The following AOAH variants were observed in gnomAD, a reference collection of about 807,000 sequenced individuals.
AOAH encodes acyloxyacyl hydrolase (neutrophil).
A neutral mutation model predicts 92.2 loss-of-function variants in AOAH; 64 were observed. The observed-to-expected ratio is 0.69, with a 90% CI of 0.57 to 0.86. AOAH has a LOEUF of 0.86. Ranked by LOEUF, AOAH falls within the 40% of genes least tolerant of loss-of-function variation. The pLI, the probability that AOAH is intolerant of heterozygous loss-of-function variation, is 0.00. For missense variants in AOAH, 656 were observed against 694.6 expected, an observed-to-expected ratio of 0.94 and a Z score of 0.62; for synonymous variants, 263 against 254.5, an observed-to-expected ratio of 1.03 and a Z score of -0.32.
At chr7:36,658,177 G>A (rs979597204) in intron 4 of AOAH, among the ~76,000 whole-genome samples, 5 of 152,140 alleles carry the variant, frequency 3.3e-5, no homozygotes, top group East Asian at 1.9e-4. Flanking sequence ...AAATATACAC[G>A]TTCCTCAGGT....
chr7:36,675,255 T>C (rs1796178469), intron 2 of AOAH, among the ~76,000 whole-genome samples: 1 of 152,204 alleles, frequency 6.6e-6, no homozygotes, highest in Non-Finnish European at 1.5e-5. Context: ...AAACTCCGTC[T>C]CAAATAAATA....
chr7:36,596,582 G>A (rs1462079126), intron 11 of AOAH, among the ~76,000 whole-genome samples: 2 of 152,158 alleles, frequency 1.3e-5, no homozygotes, highest in African/African-American at 4.8e-5. Flanking sequence ...GGGGAAGGCC[G>A]TGCAATGGTG....
In AOAH at chr7:36,712,395, T is replaced by C. The variant is rs759538578; in HGVS notation, c.127+11627A>G. On this transcript the variant is annotated intron_variant, in intron 1 of 20. Transcript: ENST00000617537. The stretch of plus-strand genomic sequence containing the variant: ...TTTAAAAAGCTTCCTGAGTACCAAA[T>C]AGTGCTTTTAAAAAAACGAACATTC... Among the ~76,000 whole-genome samples the C allele has an allele frequency of 2.4e-4, 37 of 152,278 alleles. 1 individual carries two copies. The Middle Eastern group carries it at 0.01, about 42-fold the overall frequency.
chr7:36,704,092 C>T (rs1006896979), intron 1 of AOAH, among the ~76,000 whole-genome samples: 2 of 151,484 alleles, frequency 1.3e-5, no homozygotes, highest in Admixed American at 1.3e-4. Flanking sequence ...TTGCATTTCT[C>T]TAATGACCAG....
intron 12 of AOAH, among the ~76,000 whole-genome samples, chr7:36,585,145 G>A (rs1789225425): frequency 6.6e-6 from 1 of 151,802 alleles, no homozygotes; most frequent in Non-Finnish European, 1.5e-5. Flanking sequence ...TGTCTGGAGG[G>A]GTATAAAAAA....
At chr7:36,591,698 G>A (rs759520121) in intron 12 of AOAH, among the ~76,000 whole-genome samples, 3 of 152,158 alleles carry the variant, frequency 2.0e-5, no homozygotes, top group Non-Finnish European at 4.4e-5. Context: ...CCTGGTGGGA[G>A]GACAGAACAG....
chr7:36,613,345 C>T (rs1791612864), intron 11 of AOAH, among the ~76,000 whole-genome samples: 1 of 152,106 alleles, frequency 6.6e-6, no homozygotes, highest in South Asian at 2.1e-4. Flanking sequence ...CAGGATGATT[C>T]CAAGATTTTT....
intron 13 of AOAH, among the ~76,000 whole-genome samples, chr7:36,575,799 C>A (rs1419156890): frequency 6.6e-6 from 1 of 152,214 alleles, no homozygotes; most frequent in Admixed American, 6.5e-5. Flanking sequence ...AATTCCTCAA[C>A]ATCTTTTGTT....
At chr7:36,709,493 T>C (rs1365866259) in intron 1 of AOAH, among the ~76,000 whole-genome samples, 1 of 152,180 alleles carries the variant, frequency 6.6e-6, no homozygotes, top group Non-Finnish European at 1.5e-5. Context: ...GAAATGCTTG[T>C]GATAATTTTT....
chr7:36,611,409 C>T (rs917354896), intron 11 of AOAH, among the ~76,000 whole-genome samples: 1 of 152,142 alleles, frequency 6.6e-6, no homozygotes, highest in Non-Finnish European at 1.5e-5. Context: ...GGGGAGTAAC[C>T]CAAACCAATA....
intron 4 of AOAH, among the ~76,000 whole-genome samples, chr7:36,639,017 G>A (rs1793715297): frequency 6.6e-6 from 1 of 152,154 alleles, no homozygotes; most frequent in African/African-American, 2.4e-5. Flanking sequence ...CCCACCCAGT[G>A]GGCATCTGCA....
At position 36,624,283 on chromosome 7, in the gene AOAH, C is replaced by T. The variant is rs542957510; in HGVS notation, c.522-1033G>A. Among the ~76,000 whole-genome samples the T allele has an allele frequency of 1.3e-4, 20 of 152,268 alleles. No homozygotes were observed. In the South Asian group the frequency reaches 1.5e-3, roughly 11 times the overall value. On this transcript the variant is annotated intron_variant, in intron 6 of 20. Coordinates refer to ENST00000617537, the MANE Select transcript of AOAH (RefSeq NM_001637.4). The stretch of plus-strand genomic sequence containing the variant: ...GGCAAGATGAGGCTTTCTTTGGAGC[C>T]GAGAATTTACAGTGAGTAACACAAC...
chr7:36,535,655 G>A (rs1464642219), intron 16 of AOAH, among the ~76,000 whole-genome samples: 1 of 152,166 alleles, frequency 6.6e-6, no homozygotes, highest in Non-Finnish European at 1.5e-5. Context: ...GCCCCTGAAT[G>A]CCTGTGACTT....
intron 4 of AOAH, among the ~76,000 whole-genome samples, chr7:36,647,318 A>G (rs1794286001): frequency 6.6e-6 from 1 of 152,338 alleles, no homozygotes; most frequent in Middle Eastern, 3.4e-3. Flanking sequence ...GGGGGTGATT[A>G]ATTAAGTGAA....
At chr7:36,716,216 G>C (rs1799159891) in intron 1 of AOAH, among the ~76,000 whole-genome samples, 1 of 152,022 alleles carries the variant, frequency 6.6e-6, no homozygotes, top group Non-Finnish European at 1.5e-5. Context: ...CCAAAAGACA[G>C]ATGAAAAAAT....
At chr7:36,543,130 C>CT (rs1010991255) in intron 15 of AOAH, among the ~76,000 whole-genome samples, 1 of 152,108 alleles carries the variant, frequency 6.6e-6, no homozygotes, top group African/African-American at 2.4e-5. Flanking sequence ...GAACTGCATG[C>CT]TAATTTCATG....
rs148867554 is a variant in AOAH at position 36,620,572 on chromosome 7, G to T, written c.702+209C>A. 2.0e-5 allele frequency among the ~76,000 whole-genome samples: 3 copies of T among 152,304 alleles called. No individual in the cohort carries two copies. In the East Asian group the frequency reaches 5.8e-4, roughly 29 times the overall value. On this transcript the variant is annotated intron_variant, in intron 9 of 20. Transcript: ENST00000617537. ...GTGACCTTAAGCAAGGCTTAAAGGGGCCATGACTGAGAAAGCCTCAACTCT... is the reference window on the plus strand; with the variant it reads ...GTGACCTTAAGCAAGGCTTAAAGGGTCCATGACTGAGAAAGCCTCAACTCT...
intron 19 of AOAH, 74 bp from the exon 20 acceptor site, chr7:36,522,189 G>C: frequency 7.0e-7 from 1 of 1,431,928 alleles, no homozygotes; most frequent in Non-Finnish European, 9.8e-7. Context: ...ACAAGGACGT[G>C]AGAACTGCCC....
chr7:36,624,626 G>A (rs950649015), intron 6 of AOAH, among the ~76,000 whole-genome samples: 11 of 152,246 alleles, frequency 7.2e-5, no homozygotes, highest in Admixed American at 6.5e-4. Flanking sequence ...TGGCAAGAGA[G>A]AGCAGGAGGA....
Sources: gnomAD v4.1 joint callset for allele counts (sites outside exome capture counted in the v4.1 genomes callset) on GRCh38, gnomAD v4.1.1 for gene constraint, MANE v1.5 for transcripts, NCBI Gene and HGNC (gene_info 2026-07-23, HGNC 2026-07-21) for gene names.